Variants in ADCY2 observed in about 807,000 individuals in gnomAD.
ADCY2 encodes the protein adenylate cyclase type 2.
ADCY2 carries 31 observed loss-of-function variants against 125.2 expected under a neutral mutation model. The ratio of observed to expected loss-of-function variants is 0.25; its 90% CI spans 0.19 to 0.33. ADCY2 has a LOEUF of 0.33. ADCY2 is among the 10% of genes least tolerant of loss of function. The probability of loss-of-function intolerance (pLI) is 1.00; values close to 1 mark genes in which losing one functional copy is unlikely to be tolerated. For missense variants in ADCY2, 904 were observed against 1,418.2 expected (o/e 0.64, Z 5.82); for synonymous variants, 512 against 548.4 (o/e 0.93, Z 0.93).
intron 4 of ADCY2, among the ~76,000 whole-genome samples, chr5:7,644,856 T>G (rs1449071214): frequency 2.0e-5 from 3 of 152,142 alleles, no homozygotes; most frequent in Admixed American, 2.0e-4. Flanking sequence ...CCCCACCAAA[T>G]TCTTGCCATA....
chr5:7,711,825 T>C (rs548160179), intron 10 of ADCY2, among the ~76,000 whole-genome samples: 1 of 152,328 alleles, frequency 6.6e-6, no homozygotes, highest in Admixed American at 6.5e-5. Context: ...ATTGCCTTAG[T>C]AGCAGTATAG....
chr5:7,592,781 C>A (rs1208335694), intron 3 of ADCY2, among the ~76,000 whole-genome samples: 3 of 152,134 alleles, frequency 2.0e-5, no homozygotes, highest in African/African-American at 7.2e-5. Context: ...TGAACAAAAA[C>A]TGGGCTTCAT....
intron 3 of ADCY2, among the ~76,000 whole-genome samples, chr5:7,541,903 G>T (rs1735008456): frequency 6.6e-6 from 1 of 152,186 alleles, no homozygotes; most frequent in African/African-American, 2.4e-5. Context: ...TTGTTACTAT[G>T]AAATGCAACT....
At chr5:7,643,554 A>C (rs1238309809) in intron 4 of ADCY2, among the ~76,000 whole-genome samples, 1 of 145,802 alleles carries the variant, frequency 6.9e-6, no homozygotes, top group East Asian at 2.4e-4. Context: ...TTTTGGTTTC[A>C]TTTCTTTTTT....
In ADCY2 at chr5:7,650,802, T is replaced by C. The variant is rs557416387; in HGVS notation, c.720+24486T>C. On this transcript the variant is annotated intron_variant, in intron 4 of 24. Transcript: ENST00000338316. ...AATAGAGTTGAACAAAGACATGTTT[T>C]CCCCATATCCTAACAAAATGGAATT... Among the ~76,000 whole-genome samples, 15 of 152,328 alleles carry C rather than the reference T, an allele frequency of 9.8e-5. No individual in the cohort carries two copies. The South Asian group carries it at 3.1e-3, about 32-fold the overall frequency.
chr5:7,637,245 G>A (rs1035461115), intron 4 of ADCY2, among the ~76,000 whole-genome samples: 6 of 152,058 alleles, frequency 3.9e-5, no homozygotes, highest in African/African-American at 7.2e-5. Flanking sequence ...CAAGGCAGGC[G>A]GATCACCTGA....
chr5:7,633,712 A>T (rs561813394), intron 4 of ADCY2, among the ~76,000 whole-genome samples: 1 of 152,240 alleles, frequency 6.6e-6, no homozygotes, highest in South Asian at 2.1e-4. Flanking sequence ...CAGTTATATT[A>T]CTCCAGATTA....
At chr5:7,404,584 T>C (rs751545280) in intron 1 of ADCY2, among the ~76,000 whole-genome samples, 2 of 152,238 alleles carry the variant, frequency 1.3e-5, no homozygotes, top group Non-Finnish European at 2.9e-5. Context: ...CTTGCTTCCA[T>C]GTCTAACTAC....
intron 2 of ADCY2, among the ~76,000 whole-genome samples, chr5:7,519,336 C>T (rs532204683): frequency 3.9e-5 from 6 of 152,312 alleles, no homozygotes; most frequent in East Asian, 1.9e-4. Context: ...GTACCAGAAG[C>T]GCTGGCGTGA....
At chr5:7,609,544 A>G (rs72710465) in intron 3 of ADCY2, among the ~76,000 whole-genome samples, 24,707 of 152,224 alleles carry the variant, frequency 0.16, 2,189 homozygotes, top group South Asian at 0.2. Flanking sequence ...CATTTAATAA[A>G]TACTTATCAG....
At chr5:7,702,909 T>C (rs559092230) in intron 7 of ADCY2, among the ~76,000 whole-genome samples, 1 of 152,356 alleles carries the variant, frequency 6.6e-6, no homozygotes, top group Admixed American at 6.5e-5. Flanking sequence ...GACTTTTTAA[T>C]GATCGCCATT....
intron 2 of ADCY2, among the ~76,000 whole-genome samples, chr5:7,435,568 AC>A (rs1347086077): frequency 1.3e-5 from 2 of 152,228 alleles, no homozygotes; most frequent in Non-Finnish European, 2.9e-5. Flanking sequence ...ACATGAACAT[AC>A]TTTTCCTTAA....
chr5:7,426,536 A>G (rs1054327417), intron 2 of ADCY2, among the ~76,000 whole-genome samples: 5 of 152,202 alleles, frequency 3.3e-5, no homozygotes, highest in African/African-American at 1.2e-4. Context: ...CGGAGTTGTC[A>G]GGTCCTAATC....
At chr5:7,500,134 C>G (rs1218891497) in intron 2 of ADCY2, among the ~76,000 whole-genome samples, 1 of 152,130 alleles carries the variant, frequency 6.6e-6, no homozygotes, top group Non-Finnish European at 1.5e-5. Context: ...TTGGATGTTT[C>G]TTGCCCCAGT....
intron 4 of ADCY2, among the ~76,000 whole-genome samples, chr5:7,635,547 C>T (rs1436531848): frequency 6.6e-6 from 1 of 152,000 alleles, no homozygotes; most frequent in African/African-American, 2.4e-5. Flanking sequence ...AGGTAAGGTA[C>T]AGTAGAAATC....
At chr5:7,445,418 A>G (rs1352961918) in intron 2 of ADCY2, among the ~76,000 whole-genome samples, 1 of 152,138 alleles carries the variant, frequency 6.6e-6, no homozygotes, top group African/African-American at 2.4e-5. Flanking sequence ...GGGTGCCAGG[A>G]CCACTCTGTT....
At chr5:7,506,369 C>T (rs1743813527) in intron 2 of ADCY2, among the ~76,000 whole-genome samples, 1 of 152,148 alleles carries the variant, frequency 6.6e-6, no homozygotes, top group Admixed American at 6.6e-5. Flanking sequence ...GTCATACATA[C>T]AACACTTATG....
intron 3 of ADCY2, among the ~76,000 whole-genome samples, chr5:7,618,847 T>G (rs897817606): frequency 6.6e-6 from 1 of 152,208 alleles, no homozygotes; most frequent in Non-Finnish European, 1.5e-5. Flanking sequence ...AGAGCTGATT[T>G]AAGACTAGTA....
chr5:7,821,803 G>T (rs751362092), intron 24 of ADCY2, among the ~76,000 whole-genome samples: 9 of 152,212 alleles, frequency 5.9e-5, no homozygotes, highest in Non-Finnish European at 1.2e-4. Context: ...CTTTTCAGAT[G>T]TGAAGTGAGC....
Sources: gnomAD v4.1 joint callset for allele counts (sites outside exome capture counted in the v4.1 genomes callset) on GRCh38, gnomAD v4.1.1 for gene constraint, MANE v1.5 for transcripts, NCBI Gene and HGNC (gene_info 2026-07-23, HGNC 2026-07-21) for gene names.